HIPK3: variants seen among roughly 807,000 people sequenced by gnomAD.
HIPK3 encodes homeodomain-interacting protein kinase 3.
Under a neutral mutation model 124.2 loss-of-function variants are expected in HIPK3, and 47 were observed. The ratio of observed to expected loss-of-function variants is 0.38; its 90% confidence interval spans 0.30 to 0.48. The LOEUF is 0.48. HIPK3 is among the 20% of genes least tolerant of loss of function. The pLI, the probability that HIPK3 is intolerant of heterozygous loss-of-function variation, is 0.98. For synonymous variants in HIPK3, 482 were observed against 515.2 expected (o/e 0.94, Z 0.87); for missense variants, 1,286 against 1,454.3 (o/e 0.88, Z 1.88).
At chr11:33,315,400 T>G (rs1852470644) in intron 2 of HIPK3, among the ~76,000 whole-genome samples, 1 of 152,152 alleles carries the variant, frequency 6.6e-6, no homozygotes, top group Non-Finnish European at 1.5e-5. Context: ...CTAATTTTTG[T>G]ATTTTTAGTA....
chr11:33,333,398 G>T (rs266481), intron 3 of HIPK3, among the ~76,000 whole-genome samples: 3 of 151,914 alleles, frequency 2.0e-5, no homozygotes, highest in Non-Finnish European at 4.4e-5. Flanking sequence ...ATAAAACTCC[G>T]GCTCTACCTA....
intron 1 of HIPK3, among the ~76,000 whole-genome samples, chr11:33,265,759 T>G (rs1590336615): frequency 2.1e-5 from 2 of 93,232 alleles, no homozygotes; most frequent in African/African-American, 4.5e-5. Context: ...AGTGATGGAG[T>G]GAGACCTTGT....
chr11:33,310,307 A>AATCT (rs1554965370), intron 2 of HIPK3, among the ~76,000 whole-genome samples: 4 of 38,138 alleles, frequency 1.0e-4, no homozygotes, highest in East Asian at 7.8e-4. Flanking sequence ...CTATCTATCT[A>AATCT]ATCTATCTAT....
chr11:33,261,111 T>C (rs1252641270), intron 1 of HIPK3, among the ~76,000 whole-genome samples: 8 of 130,202 alleles, frequency 6.1e-5, no homozygotes, highest in Non-Finnish European at 1.1e-4. Context: ...TATATATATA[T>C]ACATAAAATA....
Position 33,354,926 on chromosome 11 carries a change from T to TA in HIPK3, c.*1360dup, listed in dbSNP as rs1224617532. ...AGTTGCTTTTACAGCACCAAAGACT[T>TA]AATCATCCATTTCCTATATAAAGGT... On this transcript the variant is annotated 3_prime_UTR_variant, in exon 17 of 17. Transcript: ENST00000303296. 6.6e-6 allele frequency: 1 copy of TA among 152,076 alleles called. No homozygotes were observed. The highest frequency in any genetic ancestry group is 1.5e-5 in the Non-Finnish European group (1 of 67,960). The allele number at this position is 152,076 out of a possible 1,614,324, so 9.4% of individuals were successfully genotyped here. A position where few individuals can be genotyped will look rare whatever the true frequency, so the allele number is the denominator to read the frequency against.
At chr11:33,311,837 T>TACACACAC (rs370396153) in intron 2 of HIPK3, among the ~76,000 whole-genome samples, 12,378 of 104,252 alleles carry the variant, frequency 0.12, 1,212 homozygotes, top group African/African-American at 0.15. Flanking sequence ...ACCCTGTTTC[T>TACACACAC]ACACACACAC....
intron 2 of HIPK3, among the ~76,000 whole-genome samples, chr11:33,298,019 C>T (rs1214503376): frequency 6.6e-6 from 1 of 151,990 alleles, no homozygotes; most frequent in African/African-American, 2.4e-5. Context: ...GAACTCCTGA[C>T]CTCAAGTGAT....
At chr11:33,316,474 C>T (rs1852507231) in intron 2 of HIPK3, among the ~76,000 whole-genome samples, 1 of 152,156 alleles carries the variant, frequency 6.6e-6, no homozygotes, top group Non-Finnish European at 1.5e-5. Flanking sequence ...AGGGACATCT[C>T]CAATATTTCT....
intron 1 of HIPK3, among the ~76,000 whole-genome samples, chr11:33,272,178 A>G (rs1344432534): frequency 6.6e-6 from 1 of 152,122 alleles, no homozygotes; most frequent in Non-Finnish European, 1.5e-5. Context: ...CAGGTGGATC[A>G]CTTGAGATCA....
intron 2 of HIPK3, among the ~76,000 whole-genome samples, chr11:33,327,164 A>G (rs541539256): frequency 5.3e-5 from 8 of 152,226 alleles, no homozygotes; most frequent in Non-Finnish European, 1.0e-4. Context: ...TTAGAAAGAG[A>G]AAAGTAGGAA....
chr11:33,283,821 T>G (rs1851476923), intron 1 of HIPK3, among the ~76,000 whole-genome samples: 1 of 151,974 alleles, frequency 6.6e-6, no homozygotes, highest in African/African-American at 2.4e-5. Context: ...ATTATAGGTG[T>G]GCACCACCAC....
intron 3 of HIPK3, chr11:33,335,897 C>T (rs963228448): frequency 7.9e-5 from 12 of 152,228 alleles, no homozygotes; most frequent in South Asian, 4.2e-4. Flanking sequence ...GTTTATCCCC[C>T]GTGTTTCCCA....
At chr11:33,271,921 GAA>G (rs949675670) in intron 1 of HIPK3, among the ~76,000 whole-genome samples, 2 of 152,014 alleles carry the variant, frequency 1.3e-5, no homozygotes, top group East Asian at 1.9e-4. Flanking sequence ...CTAACATAAA[GAA>G]AAAATCTGTT....
intron 2 of HIPK3, among the ~76,000 whole-genome samples, chr11:33,300,783 G>A (rs2133925525): frequency 6.6e-6 from 1 of 152,204 alleles, no homozygotes; most frequent in East Asian, 1.9e-4. Flanking sequence ...CACCCAGACT[G>A]GAGTACAGTG....
chr11:33,257,755 G>A lies in HIPK3; in HGVS notation c.-137G>A, dbSNP rs990301519. The A allele has an allele frequency of 2.8e-5, 28 of 988,240 alleles. No individual in the cohort carries two copies. The African/African-American group carries it at 3.8e-4, about 14-fold the overall frequency. The allele number at this position is 988,240 out of a possible 1,614,324, so 61.2% of individuals were successfully genotyped here. ...ACAAGATGGCAGCGGCCGCGGAGAG[G>A]GGCTGAGCCCGGGCTGGGTGGTGCC... is the stretch of plus-strand genomic sequence containing the variant. On this transcript the variant is annotated 5_prime_UTR_variant, in exon 1 of 17. Transcript: ENST00000303296.
At chr11:33,307,297 C>G (rs547022643) in intron 2 of HIPK3, among the ~76,000 whole-genome samples, 1 of 151,704 alleles carries the variant, frequency 6.6e-6, no homozygotes, top group Non-Finnish European at 1.5e-5. Context: ...TTAATGTGTA[C>G]GAATAGTATG....
intron 1 of HIPK3, among the ~76,000 whole-genome samples, chr11:33,265,437 A>C (rs2133865764): frequency 6.6e-6 from 1 of 152,346 alleles, no homozygotes; most frequent in East Asian, 1.9e-4. Context: ...AAAGATAGAA[A>C]TTTTATTATG....
intron 2 of HIPK3, among the ~76,000 whole-genome samples, chr11:33,297,515 G>A (rs1362166040): frequency 6.6e-6 from 1 of 152,202 alleles, no homozygotes; most frequent in East Asian, 1.9e-4. Flanking sequence ...GAAAGGTGAG[G>A]AAGCTGCAGA....
In HIPK3 at chr11:33,275,405, G is replaced by A. The variant is rs1590346961; in HGVS notation, c.-2-11008G>A. ...AAAATAATCTTCTAAAATAATAGAG[G>A]TATTTAAAATATTGACACCTAGTTA... is the stretch of plus-strand genomic sequence containing the variant. On this transcript the variant is annotated intron_variant, in intron 1 of 16. Coordinates refer to ENST00000303296, the MANE Select transcript of HIPK3 (RefSeq NM_005734.5). Among the ~76,000 whole-genome samples the A allele has an allele frequency of 2.0e-5, 3 of 152,046 alleles. No individual in the cohort carries two copies. In the East Asian group the frequency reaches 5.8e-4, roughly 29 times the overall value.
Sources: allele counts gnomAD v4.1 joint callset (sites outside exome capture counted in the v4.1 genomes callset), GRCh38; gene constraint gnomAD v4.1.1; transcripts MANE v1.5; gene names NCBI Gene and HGNC (gene_info 2026-07-23, HGNC 2026-07-21).